Variants in PTPRG observed in about 807,000 individuals in gnomAD.
The protein encoded by PTPRG is receptor-type tyrosine-protein phosphatase gamma.
A neutral mutation model predicts 165.3 loss-of-function variants in PTPRG; 102 were observed. The observed-to-expected ratio is 0.62, with a 90% CI of 0.53 to 0.73. The LOEUF (loss-of-function observed/expected upper bound fraction) is 0.73, where lower values mean the gene tolerates loss of function less well. Among genes scored for constraint, PTPRG ranks in the 30% least tolerant of loss-of-function variants. PTPRG has a pLI of 0.00. For synonymous variants in PTPRG, 675 were observed against 669.5 expected (o/e 1.01, Z -0.13); for missense variants, 1,866 against 1,861.4 (o/e 1.00, Z -0.05).
At chr3:62,093,170 C>T (rs145508865) in intron 5 of PTPRG, among the ~76,000 whole-genome samples, 1 of 152,192 alleles carries the variant, frequency 6.6e-6, no homozygotes, top group African/African-American at 2.4e-5. Context: ...TGAGAACTAG[C>T]AGAGCTTATC....
chr3:61,979,429 G>A (rs1382797), intron 2 of PTPRG, among the ~76,000 whole-genome samples: 69,999 of 152,038 alleles, frequency 0.46, 16,878 homozygotes, highest in African/African-American at 0.62. Flanking sequence ...CTCTGACATC[G>A]TGAGGCTCAT....
chr3:62,145,013 A>G (rs1354022957), intron 6 of PTPRG, among the ~76,000 whole-genome samples: 1 of 151,934 alleles, frequency 6.6e-6, no homozygotes, highest in Non-Finnish European at 1.5e-5. Flanking sequence ...GAGCAAAGAG[A>G]GCTCTTAAAA....
intron 4 of PTPRG, among the ~76,000 whole-genome samples, chr3:62,007,692 A>T (rs1325108560): frequency 6.6e-6 from 1 of 152,224 alleles, no homozygotes; most frequent in East Asian, 1.9e-4. Context: ...ATATATGTGC[A>T]ATTTCATTTG....
chr3:62,152,913 C>T (rs952445552), intron 6 of PTPRG, among the ~76,000 whole-genome samples: 8 of 152,196 alleles, frequency 5.3e-5, no homozygotes, highest in African/African-American at 1.7e-4. Context: ...ATTCTACTGT[C>T]TATTTTTGTA....
intron 2 of PTPRG, among the ~76,000 whole-genome samples, chr3:61,905,067 G>C (rs1004150986): frequency 1.3e-5 from 2 of 152,042 alleles, no homozygotes; most frequent in South Asian, 2.1e-4. Flanking sequence ...GAAGGAAAAG[G>C]CTTCATTCTC....
chr3:62,005,699 T>C (rs2041281735), intron 4 of PTPRG, among the ~76,000 whole-genome samples: 1 of 127,952 alleles, frequency 7.8e-6, no homozygotes, highest in Non-Finnish European at 1.6e-5. Context: ...CCTTTTTTTT[T>C]TTTTTTTTTT....
chr3:62,023,825 C>G (rs937468015), intron 4 of PTPRG, among the ~76,000 whole-genome samples: 3 of 152,068 alleles, frequency 2.0e-5, no homozygotes. Context: ...ATAGTAAACC[C>G]TCAGTAAATA....
intron 2 of PTPRG, among the ~76,000 whole-genome samples, chr3:61,941,170 A>G (rs897434986): frequency 4.6e-5 from 7 of 152,250 alleles, no homozygotes; most frequent in African/African-American, 1.7e-4. Flanking sequence ...GAGTGCAATA[A>G]TTGCCATACT....
intron 4 of PTPRG, among the ~76,000 whole-genome samples, chr3:62,056,891 C>T (rs913652947): frequency 4.6e-5 from 7 of 152,162 alleles, no homozygotes; most frequent in East Asian, 1.9e-4. Context: ...TCCCTTGAGG[C>T]TCTATGTCAT....
At chr3:61,825,490 T>C (rs143410830) in intron 2 of PTPRG, among the ~76,000 whole-genome samples, 386 of 152,310 alleles carry the variant, frequency 2.5e-3, no homozygotes, top group African/African-American at 9.0e-3. Context: ...GGTTTTACAA[T>C]GCGTATCATA....
chr3:61,729,770 TTTC>T (rs541931464), intron 1 of PTPRG, among the ~76,000 whole-genome samples: 362 of 152,274 alleles, frequency 2.4e-3, no homozygotes, highest in African/African-American at 8.6e-3. Flanking sequence ...TTATTTTTAT[TTTC>T]TTGTTTATGC....
At chr3:62,013,279 A>G (rs2041468504) in intron 4 of PTPRG, among the ~76,000 whole-genome samples, 2 of 152,190 alleles carry the variant, frequency 1.3e-5, no homozygotes, top group Admixed American at 1.3e-4. Context: ...TACAGTTACT[A>G]CCATACTAAA....
chr3:62,108,300 T>C (rs1209899922), intron 5 of PTPRG, among the ~76,000 whole-genome samples: 1 of 151,958 alleles, frequency 6.6e-6, no homozygotes, highest in Non-Finnish European at 1.5e-5. Flanking sequence ...CAGTGTTTGG[T>C]TTTCTGTCCT....
rs78016114 is a variant in PTPRG at position 61,722,790 on chromosome 3, C to T, written c.86-26088C>T. 6.0e-3 allele frequency among the ~76,000 whole-genome samples: 906 copies of T among 152,156 alleles called. 9 individuals are homozygous for T. Among genetic ancestry groups the T allele is most frequent in the African/African-American group, 0.021 (852 of 41,494 alleles). ...CTGCCTTTTAAAATTTTCCTTCAGA[C>T]GGGGTGTACTATCTGGCACACAGGA... On this transcript the variant is annotated intron_variant, in intron 1 of 29. Transcript: ENST00000474889.
intron 2 of PTPRG, among the ~76,000 whole-genome samples, chr3:61,777,274 G>A (rs1426745513): frequency 6.6e-6 from 1 of 152,194 alleles, no homozygotes; most frequent in African/African-American, 2.4e-5. Context: ...TGACCATGGA[G>A]CACTTGAAAT....
chr3:61,737,479 A>G (rs958337765), intron 1 of PTPRG, among the ~76,000 whole-genome samples: 1 of 152,154 alleles, frequency 6.6e-6, no homozygotes, highest in East Asian at 1.9e-4. Flanking sequence ...GAGCTACTTA[A>G]GCAGATGGTG....
intron 5 of PTPRG, among the ~76,000 whole-genome samples, chr3:62,126,972 TC>T (rs1703316156): frequency 6.6e-6 from 1 of 152,194 alleles, no homozygotes; most frequent in Non-Finnish European, 1.5e-5. Context: ...AAACTACATT[TC>T]TATATCAGAA....
In PTPRG at chr3:62,095,982, C is replaced by G. The variant is rs146512070; in HGVS notation, c.615+17724C>G. On this transcript the variant is annotated intron_variant, in intron 5 of 29. Transcript: ENST00000474889. Reference sequence around the variant, plus strand: ...AAAAGAGCCTTGAAGGCCATCAGCCCTAGACTTTTCTTGGGGAGCCAATGA... The same window carrying G: ...AAAAGAGCCTTGAAGGCCATCAGCCGTAGACTTTTCTTGGGGAGCCAATGA... Among the ~76,000 whole-genome samples, 35 of 152,214 alleles carry G rather than the reference C, an allele frequency of 2.3e-4. No individual in the cohort carries two copies. The East Asian group carries it at 6.6e-3, about 29-fold the overall frequency.
chr3:62,030,400 A>C (rs1367053844), intron 4 of PTPRG, among the ~76,000 whole-genome samples: 1 of 152,114 alleles, frequency 6.6e-6, no homozygotes, highest in Non-Finnish European at 1.5e-5. Context: ...GTAGGGAGGA[A>C]GAAAAATATG....
Sources: gnomAD v4.1 joint callset for allele counts (sites outside exome capture counted in the v4.1 genomes callset) on GRCh38, gnomAD v4.1.1 for gene constraint, MANE v1.5 for transcripts, NCBI Gene and HGNC (gene_info 2026-07-23, HGNC 2026-07-21) for gene names.